BACH1: variants seen among roughly 807,000 people sequenced by gnomAD.
BACH1 encodes the protein BTB domain and CNC homolog 1.
Under a neutral mutation model 52.9 loss-of-function variants are expected in BACH1, and 35 were observed. The ratio of observed to expected loss-of-function variants is 0.66; its 90% CI spans 0.51 to 0.88. The LOEUF is 0.88. BACH1 is among the 40% of genes least tolerant of loss of function. The pLI is 0.00. For synonymous variants in BACH1, 321 were observed against 319.6 expected, an observed-to-expected ratio of 1.00 and a Z score of -0.05; for missense variants, 808 against 872.6, an observed-to-expected ratio of 0.93 and a Z score of 0.93.
At chr21:29,340,644 C>A (rs543743638) in intron 4 of BACH1, among the ~76,000 whole-genome samples, 221 of 152,296 alleles carry the variant, frequency 1.5e-3, no homozygotes, top group African/African-American at 5.1e-3. Flanking sequence ...AGAATAGATT[C>A]ATCCCAACTT....
intron 1 of BACH1, among the ~76,000 whole-genome samples, chr21:29,316,091 C>T (rs1183294333): frequency 6.6e-6 from 1 of 152,078 alleles, no homozygotes; most frequent in East Asian, 1.9e-4. Flanking sequence ...AGCTCTTTTT[C>T]ACACATGGAA....
At position 29,333,615 on chromosome 21, in the gene BACH1, T is replaced by G. The variant is rs374836327; in HGVS notation, c.1776+3922T>G. Reference sequence around the variant, plus strand: ...CAGAGGGCCCTATATTCTAGTTAGTTTGGTCTTAGGCTATTGGCTGTTTGT... The same window carrying G: ...CAGAGGGCCCTATATTCTAGTTAGTGTGGTCTTAGGCTATTGGCTGTTTGT... On this transcript the variant is annotated intron_variant, in intron 4 of 4. Transcript: ENST00000286800. Among the ~76,000 whole-genome samples, 72 of 152,306 alleles carry G rather than the reference T, an allele frequency of 4.7e-4. 1 individual carries two copies. In the East Asian group the frequency reaches 0.012, roughly 24 times the overall value.
At chr21:29,300,785 C>T (rs530027786) in intron 1 of BACH1, 23 of 152,254 alleles carry the variant, frequency 1.5e-4, no homozygotes, top group African/African-American at 4.3e-4. Flanking sequence ...TTTCTCATGG[C>T]CCTTGGCTTT....
chr21:29,352,565 G>T (rs547420536), intron 2 of BACH1: 1 of 151,904 alleles, frequency 6.6e-6, no homozygotes, highest in African/African-American at 2.4e-5. Flanking sequence ...TCTTTAATTT[G>T]CTCTGTTGCC....
rs1425477133 is a variant in BACH1, at chr21:29,361,770, C to T, written c.472+32077C>T. On this transcript the variant is annotated intron_variant, in intron 2 of 4. Transcript: ENST00000422809. ...AAAAGCAAAAACGCATCTCCATTTA[C>T]ATAACTTTACTATGGAGCTCATGAT... 5.9e-5 allele frequency: 9 copies of T among 152,344 alleles called. No homozygotes were observed. In the East Asian group the frequency reaches 1.7e-3, roughly 29 times the overall value. 9.4% of individuals were successfully genotyped at this position (152,344 alleles called of 1,614,324 possible). A position where few individuals can be genotyped will look rare whatever the true frequency, so the allele number is the denominator to read the frequency against.
intron 4 of BACH1, among the ~76,000 whole-genome samples, chr21:29,331,284 GTTCTTT>G (rs2088979004): frequency 6.6e-6 from 1 of 152,124 alleles, no homozygotes; most frequent in South Asian, 2.1e-4. Context: ...ATGCTTCTTA[GTTCTTT>G]TTCTTGCTCT....
intron 3 of BACH1, among the ~76,000 whole-genome samples, chr21:29,327,825 T>A (rs1026753266): frequency 2.6e-5 from 4 of 152,254 alleles, no homozygotes; most frequent in South Asian, 2.1e-4. Context: ...TCTCAAAAAA[T>A]TTTTTAAAAA....
intron 4 of BACH1, among the ~76,000 whole-genome samples, chr21:29,335,674 C>T (rs1383529954): frequency 6.6e-6 from 1 of 152,190 alleles, no homozygotes; most frequent in East Asian, 1.9e-4. Flanking sequence ...ATTTCTCTAT[C>T]TTGATCTTTC....
downstream of BACH1, among the ~76,000 whole-genome samples, chr21:29,348,432 C>T (rs2089183063): frequency 6.6e-6 from 1 of 151,962 alleles, no homozygotes; most frequent in African/African-American, 2.4e-5. Flanking sequence ...CCTAGTGCTG[C>T]CAGAGACCAT....
rs2088925602 is a variant in BACH1 at position 29,327,305 on chromosome 21, A to G, written c.1481A>G (p.Tyr494Cys). ...GAACCCCAGCAAGAACCTTGCCCAT[A>G]TGCTTGTGTCATTAGCTTGGGAGAC... Reference protein sequence around the residue: ...VSEPQQEPCPYACVISLGDDS... With the variant: ...VSEPQQEPCPCACVISLGDDS... The change falls in exon 3 of 5, where the codon TAT (tyrosine) becomes TGT (cysteine). Residue 494 changes from tyrosine to cysteine, a missense_variant. Transcript: ENST00000286800. The G allele has an allele frequency of 3.7e-6, 6 of 1,614,042 alleles. No homozygotes were observed. The highest frequency in any genetic ancestry group is 1.3e-5 in the African/African-American group (1 of 74,916).
At chr21:29,355,754 G>A (rs1469670125) in intron 2 of BACH1, among the ~76,000 whole-genome samples, 4 of 152,210 alleles carry the variant, frequency 2.6e-5, no homozygotes, top group Non-Finnish European at 5.9e-5. Context: ...GTCCGAAGGC[G>A]AGTAATAGCA....
chr21:29,350,085 T>C (rs1202503680), downstream of BACH1, among the ~76,000 whole-genome samples: 1 of 152,120 alleles, frequency 6.6e-6, no homozygotes, highest in Admixed American at 6.5e-5. Flanking sequence ...CTAGATTCAA[T>C]ATGCTCACAG....
chr21:29,353,804 A>C (rs1267147518), intron 2 of BACH1, among the ~76,000 whole-genome samples: 1 of 152,204 alleles, frequency 6.6e-6, no homozygotes, highest in African/African-American at 2.4e-5. Flanking sequence ...TTGCTTGAGT[A>C]GATGGATGAA....
In BACH1 at chr21:29,345,369, T is replaced by G. The variant is rs1482690650; in HGVS notation, c.*2536T>G. ...TGTATGCCTTTTCCTTCATGCAGAA[T>G]TTTGAAATGTTTTCAGTTTGTATAT... On this transcript the variant is annotated 3_prime_UTR_variant, in exon 5 of 5. Coordinates refer to ENST00000286800, the MANE Select transcript of BACH1 (RefSeq NM_001186.4). 6.6e-6 allele frequency: 1 copy of G among 152,322 alleles called. No homozygotes were observed. Among genetic ancestry groups the G allele is most frequent in the Non-Finnish European group, 1.5e-5 (1 of 68,018 alleles). 9.4% of individuals were successfully genotyped at this position (152,322 alleles called of 1,614,324 possible). A position where few individuals can be genotyped will look rare whatever the true frequency, so the allele number is the denominator to read the frequency against.
chr21:29,330,784 A>G (rs984197435), intron 4 of BACH1, among the ~76,000 whole-genome samples: 1 of 152,108 alleles, frequency 6.6e-6, no homozygotes, highest in Admixed American at 6.5e-5. Flanking sequence ...CAATTTAGGG[A>G]AAAAAATTGT....
chr21:29,349,885 G>A (rs2089192364), downstream of BACH1, among the ~76,000 whole-genome samples: 2 of 152,042 alleles, frequency 1.3e-5, no homozygotes, highest in South Asian at 4.2e-4. Context: ...TCTTGGCATT[G>A]AGCCAGTTAA....
Position 29,326,893 on chromosome 21 carries a change from C to T in BACH1, c.1069C>T (p.Gln357Ter). The T allele has an allele frequency of 6.2e-7, 1 of 1,614,112 alleles. No individual in the cohort carries two copies. Among genetic ancestry groups the T allele is most frequent in the Non-Finnish European group, 8.5e-7 (1 of 1,180,026 alleles). Residue 357 changes from glutamine to a stop codon, truncating the protein, a stop_gained, in exon 3 of 5, where the codon CAA becomes TAA. Transcript: ENST00000286800. LOFTEE classifies it high-confidence loss of function. ...TEKPLSGTDV[Q>*]EKTFGESQDL... ...AAAGCCTTTGTCAGGTACAGACGTC[C>T]AAGAAAAAACATTTGGTGAAAGTCA...
intron 2 of BACH1, chr21:29,352,797 C>T (rs1276879972): frequency 6.6e-6 from 1 of 151,832 alleles, no homozygotes; most frequent in African/African-American, 2.4e-5. Flanking sequence ...CTGCAACCTC[C>T]ACCTTCCAGG....
At chr21:29,304,530 C>T (rs2088634753) in intron 1 of BACH1, among the ~76,000 whole-genome samples, 1 of 152,138 alleles carries the variant, frequency 6.6e-6, no homozygotes, top group Non-Finnish European at 1.5e-5. Context: ...ACTTCCCCAT[C>T]CCTCATTAAA....
Sources: gnomAD v4.1 joint callset for allele counts (sites outside exome capture counted in the v4.1 genomes callset) on GRCh38, gnomAD v4.1.1 for gene constraint, MANE v1.5 for transcripts, NCBI Gene and HGNC (gene_info 2026-07-23, HGNC 2026-07-21) for gene names.